Variants in PPP1R12B observed in about 807,000 individuals in gnomAD.
PPP1R12B encodes the protein protein phosphatase 1 regulatory subunit 12B.
Under a neutral mutation model 126.1 loss-of-function variants are expected in PPP1R12B, and 76 were observed. The observed-to-expected ratio is 0.60, with a 90% CI of 0.50 to 0.73. The LOEUF (loss-of-function observed/expected upper bound fraction) is 0.73. Among genes scored for constraint, PPP1R12B ranks in the 30% least tolerant of loss-of-function variants. PPP1R12B has a pLI of 0.00. For synonymous variants in PPP1R12B, 356 were observed against 434.7 expected, an observed-to-expected ratio of 0.82 and a Z score of 2.25; for missense variants, 1,052 against 1,205.1, an observed-to-expected ratio of 0.87 and a Z score of 1.88.
At chr1:202,540,818 T>C (rs1685047245) in intron 18 of PPP1R12B, among the ~76,000 whole-genome samples, 2 of 152,354 alleles carry the variant, frequency 1.3e-5, no homozygotes, top group South Asian at 4.1e-4. Flanking sequence ...CCTTACTCCT[T>C]AATCACCAAG....
At chr1:202,413,253 G>A (rs1181080992) in intron 1 of PPP1R12B, among the ~76,000 whole-genome samples, 1 of 152,122 alleles carries the variant, frequency 6.6e-6, no homozygotes, top group Non-Finnish European at 1.5e-5. Flanking sequence ...GATGCTGTTT[G>A]TAACCAAGTT....
At chr1:202,549,713 C>T (rs757937200) in intron 18 of PPP1R12B, among the ~76,000 whole-genome samples, 74 of 152,068 alleles carry the variant, frequency 4.9e-4, no homozygotes, top group African/African-American at 1.5e-3. Context: ...CCACCGTGCC[C>T]GGCCAACTTT....
chr1:202,366,682 A>C (rs2148430566), intron 1 of PPP1R12B, among the ~76,000 whole-genome samples: 1 of 152,284 alleles, frequency 6.6e-6, no homozygotes, highest in East Asian at 1.9e-4. Flanking sequence ...ACACCTAATA[A>C]TACCAGATGT....
At chr1:202,358,264 G>T (rs1023500475) in intron 1 of PPP1R12B, among the ~76,000 whole-genome samples, 3 of 152,152 alleles carry the variant, frequency 2.0e-5, no homozygotes. Flanking sequence ...TGCTTTTGAA[G>T]TGTCATTTAA....
At chr1:202,455,870 C>G (rs967564160) in intron 13 of PPP1R12B, among the ~76,000 whole-genome samples, 1 of 152,104 alleles carries the variant, frequency 6.6e-6, no homozygotes, top group African/African-American at 2.4e-5. Flanking sequence ...GAAAAATACA[C>G]AAGAATGGGT....
intron 22 of PPP1R12B, among the ~76,000 whole-genome samples, chr1:202,568,868 A>G (rs925116169): frequency 1.8e-4 from 28 of 152,212 alleles, no homozygotes; most frequent in African/African-American, 6.5e-4. Flanking sequence ...GCACAGAGTA[A>G]CTGAATGTCT....
intron 18 of PPP1R12B, among the ~76,000 whole-genome samples, chr1:202,516,466 G>A (rs1431691566): frequency 6.6e-6 from 1 of 152,188 alleles, no homozygotes; most frequent in African/African-American, 2.4e-5. Flanking sequence ...GCTGACTTGT[G>A]AGAGCAGTTT....
At position 202,493,216 on chromosome 1, in the gene PPP1R12B, G is replaced by A. The variant is rs1247535269; in HGVS notation, c.2044G>A (p.Glu682Lys). 1 of 1,612,986 alleles carries A rather than the reference G, an allele frequency of 6.2e-7. No homozygotes were observed. Among genetic ancestry groups the A allele is most frequent in the East Asian group, 2.2e-5 (1 of 44,886 alleles). The change falls in exon 15 of 24, where the codon GAA (glutamate) becomes AAA (lysine). Residue 682 changes from glutamate to lysine, a missense_variant. Coordinates refer to ENST00000608999, the MANE Select transcript of PPP1R12B (RefSeq NM_002481.4). The stretch of plus-strand genomic sequence containing the variant: ...GCCTCGTGAGAAGCCCACAGACACT[G>A]AAGGGCTTGAGGGGAGCCCTGAGAA... ...EQPREKPTDT[E>K]GLEGSPEKHE...
intron 1 of PPP1R12B, among the ~76,000 whole-genome samples, chr1:202,351,615 A>G (rs1194161745): frequency 1.3e-5 from 2 of 152,240 alleles, no homozygotes; most frequent in Non-Finnish European, 2.9e-5. Context: ...TGAACCACCT[A>G]CTTTACAATG....
chr1:202,388,858 A>G (rs898718927), intron 1 of PPP1R12B, among the ~76,000 whole-genome samples: 11 of 152,348 alleles, frequency 7.2e-5, no homozygotes, highest in Admixed American at 3.3e-4. Context: ...TCAAAATTCA[A>G]TGAGGTGAGT....
intron 13 of PPP1R12B, among the ~76,000 whole-genome samples, chr1:202,473,673 G>A (rs1329111875): frequency 6.6e-6 from 1 of 152,176 alleles, no homozygotes; most frequent in Non-Finnish European, 1.5e-5. Context: ...GTTATTTTGG[G>A]AACTATTAGC....
At chr1:202,505,046 A>T (rs551009207) in intron 18 of PPP1R12B, among the ~76,000 whole-genome samples, 1 of 152,352 alleles carries the variant, frequency 6.6e-6, no homozygotes, top group East Asian at 1.9e-4. Context: ...AGAATGGATT[A>T]TTTGGAGAGT....
At chr1:202,361,051 T>C (rs1658106885) in intron 1 of PPP1R12B, among the ~76,000 whole-genome samples, 1 of 151,920 alleles carries the variant, frequency 6.6e-6, no homozygotes, top group Non-Finnish European at 1.5e-5. Flanking sequence ...CCACCACACC[T>C]GGCTAATTTT....
intron 8 of PPP1R12B, 36 bp from the exon 9 acceptor site, chr1:202,434,620 A>G (rs534762695): frequency 6.0e-5 from 96 of 1,589,752 alleles, no homozygotes; most frequent in Non-Finnish European, 7.7e-5. Context: ...AGATTTTTAT[A>G]CTAGTACTTG....
At chr1:202,533,587 G>A (rs564181033) in intron 18 of PPP1R12B, among the ~76,000 whole-genome samples, 65 of 152,304 alleles carry the variant, frequency 4.3e-4, no homozygotes, top group African/African-American at 1.5e-3. Context: ...CCAAAGTGCT[G>A]AGATTACGGG....
chr1:202,544,034 G>T (rs1301008328), intron 18 of PPP1R12B, among the ~76,000 whole-genome samples: 2 of 152,074 alleles, frequency 1.3e-5, no homozygotes, highest in Admixed American at 6.6e-5. Flanking sequence ...CAGGAAAAGC[G>T]GAAAAACTTT....
intron 18 of PPP1R12B, chr1:202,540,152 T>C: frequency 6.2e-7 from 1 of 1,608,850 alleles, no homozygotes. Flanking sequence ...GTCCTCTTTA[T>C]ATACCCGAAG....
intron 1 of PPP1R12B, among the ~76,000 whole-genome samples, chr1:202,393,711 TGGG>T (rs1238301833): frequency 6.6e-6 from 1 of 152,156 alleles, no homozygotes; most frequent in East Asian, 1.9e-4. Flanking sequence ...TTTATATAAA[TGGG>T]GGAATGGTTA....
chr1:202,405,342 A>G (rs1335243259), intron 1 of PPP1R12B, among the ~76,000 whole-genome samples: 5 of 152,168 alleles, frequency 3.3e-5, no homozygotes, highest in South Asian at 2.1e-4. Context: ...TCTCTTATGA[A>G]TGAAACCTGA....
Sources: gnomAD v4.1 joint callset for allele counts (sites outside exome capture counted in the v4.1 genomes callset) on GRCh38, gnomAD v4.1.1 for gene constraint, MANE v1.5 for transcripts, NCBI Gene and HGNC (gene_info 2026-07-23, HGNC 2026-07-21) for gene names.